Variants in ATP2A1 observed in about 807,000 individuals in gnomAD.
ATP2A1 encodes the protein ATPase sarcoplasmic/endoplasmic reticulum Ca2+ transporting 1.
ATP2A1 carries 83 observed loss-of-function variants against 109.5 expected under a neutral mutation model. The observed-to-expected ratio is 0.76, with a 90% CI of 0.63 to 0.91. The LOEUF is 0.91. Ranked by LOEUF, ATP2A1 falls within the 40% of genes least tolerant of loss-of-function variation. The pLI, the probability that ATP2A1 is intolerant of heterozygous loss-of-function variation, is 0.00. For synonymous variants in ATP2A1, 505 were observed against 537.6 expected (o/e 0.94, Z 0.84); for missense variants, 1,101 against 1,341.0 (o/e 0.82, Z 2.80).
In ATP2A1 at chr16:28,903,593, C is replaced by A. The variant is rs540221912; in HGVS notation, c.2981-107C>A. On this transcript the variant is annotated intron_variant, in intron 21 of 22. Coordinates refer to ENST00000395503, the MANE Select transcript of ATP2A1 (RefSeq NM_004320.6). The surrounding 1 kb of genome is among the most constrained non-coding windows in gnomAD (Gnocchi z 5.6). ...CCGTTCCCCCTGCGCCTGCAGGGGC[C>A]ACATCTCCGGGGCAGCCCCACTGCC... The A allele has an allele frequency of 1.2e-4, 145 of 1,200,586 alleles. 3 individuals are homozygous for A. The East Asian group carries it at 3.1e-3, about 26-fold the overall frequency. The allele number at this position is 1,200,586 out of a possible 1,614,324, so 74.4% of individuals were successfully genotyped here.
chr16:28,880,820 TC>T lies in ATP2A1; in HGVS notation c.220-93del. The T allele has an allele frequency of 8.0e-7, 1 of 1,244,378 alleles. No individual in the cohort carries two copies. Among genetic ancestry groups the T allele is most frequent in the Admixed American group, 1.7e-5 (1 of 57,632 alleles). 77.1% of individuals were successfully genotyped at this position (1,244,378 alleles called of 1,614,324 possible). On this transcript the variant is annotated intron_variant, in intron 3 of 22. Coordinates refer to ENST00000395503, the MANE Select transcript of ATP2A1 (RefSeq NM_004320.6). This position sits in a 1 kb window ranked among gnomAD's most constrained non-coding sequence, Gnocchi z 4.2. ...GGCCCTCCTGCTGGCTCCTGCACTC[TC>T]CTGCACAGTTCTCCCCTTTGCAGTG...
At chr16:28,900,215 C>CT (rs1964032619) in intron 14 of ATP2A1, among the ~76,000 whole-genome samples, 2 of 151,130 alleles carry the variant, frequency 1.3e-5, no homozygotes, top group African/African-American at 4.9e-5. Flanking sequence ...GTAGGAGGAT[C>CT]GCTTGAGCCT....
intron 14 of ATP2A1, among the ~76,000 whole-genome samples, chr16:28,899,279 G>A (rs1963997977): frequency 6.6e-6 from 1 of 152,174 alleles, no homozygotes; most frequent in South Asian, 2.1e-4. Flanking sequence ...TCTAAGTTGT[G>A]GGTCACGTAG....
chr16:28,896,512 A>C (rs953283202), intron 12 of ATP2A1, among the ~76,000 whole-genome samples: 3 of 151,794 alleles, frequency 2.0e-5, no homozygotes, highest in African/African-American at 7.3e-5. Flanking sequence ...TCCTGGGTTC[A>C]AGCAATTCTC....
Position 28,888,962 on chromosome 16 carries a change from C to A in ATP2A1, c.1095+9C>A, listed in dbSNP as rs558059548. ...AGATGTCTGTCTGCAAGGTCAGGAG[C>A]AGTGTGGGCAGCGCGCTCAGTCAGA... On this transcript the variant is annotated intron_variant, in intron 9 of 22. Transcript: ENST00000395503. 1 of 1,613,996 alleles carries A rather than the reference C, an allele frequency of 6.2e-7. No individual in the cohort carries two copies.
At chr16:28,890,765 A>C (rs1026306519) in intron 9 of ATP2A1, among the ~76,000 whole-genome samples, 2 of 151,812 alleles carry the variant, frequency 1.3e-5, no homozygotes, top group African/African-American at 4.8e-5. Flanking sequence ...GGCTCACTAC[A>C]ACCTTCACCT....
At chr16:28,893,800 C>A in intron 9 of ATP2A1, among the ~76,000 whole-genome samples, 1 of 151,928 alleles carries the variant, frequency 6.6e-6, no homozygotes, top group East Asian at 1.9e-4. Context: ...CAGGCGCGCA[C>A]CACCACACCT....
At chr16:28,886,287 T>G (rs1473562873) in intron 6 of ATP2A1, among the ~76,000 whole-genome samples, 1 of 152,020 alleles carries the variant, frequency 6.6e-6, no homozygotes, top group Non-Finnish European at 1.5e-5. Context: ...CAATGAGCTA[T>G]GATCACACCA....
chr16:28,886,391 G>A (rs971220142), intron 6 of ATP2A1, among the ~76,000 whole-genome samples: 2 of 152,094 alleles, frequency 1.3e-5, no homozygotes, highest in African/African-American at 2.4e-5. Context: ...AAGCGAAGAA[G>A]AGGCAGAAAA....
intron 9 of ATP2A1, among the ~76,000 whole-genome samples, chr16:28,889,548 G>T (rs1226203368): frequency 6.6e-6 from 1 of 152,154 alleles, no homozygotes; most frequent in African/African-American, 2.4e-5. Context: ...GTGAGCCACG[G>T]CACCCAGCCT....
chr16:28,901,878 A>G lies in ATP2A1; in HGVS notation c.2116A>G (p.Asn706Asp), dbSNP rs1389348183. ...CCTCCCTCAGACAGGTGATGGCGTC[A>G]ATGACGCCCCTGCCCTGAAGAAGGC... ...EITAMTGDGV[N>D]DAPALKKAEI... is the part of the protein sequence containing the mutation. Residue 706 changes from asparagine to aspartate, a missense_variant, in exon 16 of 23, where the codon AAT (asparagine) becomes GAT (aspartate). Coordinates refer to ENST00000395503, the MANE Select transcript of ATP2A1 (RefSeq NM_004320.6). The G allele has an allele frequency of 6.2e-7, 1 of 1,614,040 alleles. No individual in the cohort carries two copies. Among genetic ancestry groups the G allele is most frequent in the South Asian group, 1.1e-5 (1 of 91,048 alleles).
chr16:28,902,803 A>G lies in ATP2A1; in HGVS notation c.2636A>G (p.Asp879Gly). The change falls in exon 19 of 23, where the codon GAC (aspartate) becomes GGC (glycine). Residue 879 changes from aspartate to glycine, a missense_variant. Coordinates refer to ENST00000395503, the MANE Select transcript of ATP2A1 (RefSeq NM_004320.6). This position sits in a 1 kb window ranked among gnomAD's most constrained non-coding sequence, Gnocchi z 4.8. The part of the protein sequence containing the change: ...QLTHFMQCTE[D>G]NTHFEGIDCE... ...ACTCACTTCATGCAGTGCACCGAGG[A>G]CAACACCCACTTTGAGGGCATAGAC... 1.2e-6 allele frequency: 2 copies of G among 1,613,562 alleles called. No individual in the cohort carries two copies. Among genetic ancestry groups the G allele is most frequent in the Non-Finnish European group, 1.7e-6 (2 of 1,179,820 alleles).
rs138101297 is a variant in ATP2A1, at chr16:28,900,953, C to T, written c.2100+37C>T. 17,472 of 1,610,962 alleles carry T rather than the reference C, an allele frequency of 0.011. 138 individuals are homozygous for T. Among genetic ancestry groups the T allele is most frequent in the Non-Finnish European group, 0.012 (14,487 of 1,177,612 alleles). On this transcript the variant is annotated intron_variant, in intron 15 of 22. Coordinates refer to ENST00000395503, the MANE Select transcript of ATP2A1 (RefSeq NM_004320.6). ...CAGGCAGCTGCAGCCTTAGTGTCCA[C>T]GGAGATGACCAGATGACTGTGCTGG...
At chr16:28,884,703 G>A in intron 6 of ATP2A1, 48 bp downstream of exon 6, 1 of 1,537,102 alleles carries the variant, frequency 6.5e-7, no homozygotes, top group Non-Finnish European at 8.9e-7. Context: ...ACGTGGGGAG[G>A]AAGAGGCAAC....
intron 9 of ATP2A1, among the ~76,000 whole-genome samples, chr16:28,890,826 C>T (rs558583063): frequency 9.2e-5 from 14 of 152,154 alleles, no homozygotes; most frequent in African/African-American, 3.1e-4. Flanking sequence ...GCTGGGACTA[C>T]AGGCACGCAC....
At chr16:28,894,311 C>A in intron 10 of ATP2A1, 68 bp downstream of exon 10, 1 of 1,490,642 alleles carries the variant, frequency 6.7e-7, no homozygotes, top group Non-Finnish European at 9.3e-7. Flanking sequence ...CTCCCTGGGG[C>A]CCTCCATGTG....
At chr16:28,889,332 C>T (rs1337715232) in intron 9 of ATP2A1, among the ~76,000 whole-genome samples, 1 of 152,124 alleles carries the variant, frequency 6.6e-6, no homozygotes, top group Non-Finnish European at 1.5e-5. Context: ...TCTTGGCTCA[C>T]TGCAACCTCT....
In ATP2A1 at chr16:28,903,290, C is replaced by G. The variant is rs1458509748; in HGVS notation, c.2863-33C>G. The stretch of plus-strand genomic sequence containing the variant: ...GCTGGTCTCTGGCTCCCTCCCCACC[C>G]CCTCCTGAGAGGGCGCTTGTCCCCT... On this transcript the variant is annotated intron_variant, in intron 20 of 22. Transcript: ENST00000395503. This position sits in a 1 kb window ranked among gnomAD's most constrained non-coding sequence, Gnocchi z 5.6. The G allele has an allele frequency of 6.3e-7, 1 of 1,594,018 alleles. No individual in the cohort carries two copies. Among genetic ancestry groups the G allele is most frequent in the East Asian group, 2.2e-5 (1 of 44,738 alleles).
At position 28,887,619 on chromosome 16, in the gene ATP2A1, C is replaced by A; in HGVS notation, c.825C>A (p.Asn275Lys). 6.2e-7 allele frequency: 1 copy of A among 1,614,164 alleles called. No individual in the cohort carries two copies. The highest frequency in any genetic ancestry group is 1.1e-5 in the South Asian group (1 of 91,086). ...TCTGTGTGGCTGTCTGGCTTATCAA[C>A]ATTGGCCACTTCAACGACCCCGTCC... ...SLICVAVWLI[N>K]IGHFNDPVHG... is the part of the protein sequence containing the mutation. The change falls in exon 8 of 23, where the codon AAC becomes AAA. Residue 275 changes from asparagine (N) to lysine (K), a missense_variant. Transcript: ENST00000395503.
Sources: gnomAD v4.1 joint callset for allele counts (sites outside exome capture counted in the v4.1 genomes callset) on GRCh38, gnomAD v4.1.1 for gene constraint, Gnocchi (gnomAD v3.1) non-coding constraint, MANE v1.5 for transcripts, NCBI Gene and HGNC (gene_info 2026-07-23, HGNC 2026-07-21) for gene names.